Variants in PCDHGA11 observed in about 807,000 individuals in gnomAD.
PCDHGA11 encodes the protein protocadherin gamma subfamily A, 11.
In PCDHGA11, 39 loss-of-function variants were observed where a neutral mutation model predicts 60.4. The observed-to-expected ratio is 0.65, with a 90% CI of 0.50 to 0.84. The LOEUF is 0.84. PCDHGA11 is among the 40% of genes least tolerant of loss of function. The probability of loss-of-function intolerance (pLI) is 0.00; values close to 1 mark genes in which losing one functional copy is unlikely to be tolerated. For missense variants in PCDHGA11, 1,165 were observed against 1,197.7 expected (o/e 0.97, Z 0.40); for synonymous variants, 533 against 510.3 (o/e 1.04, Z -0.60).
Position 141,507,461 on chromosome 5 carries a change from G to A in PCDHGA11, c.2581+1980G>A, listed in dbSNP as rs145114393. On this transcript the variant is annotated intron_variant, in intron 3 of 3. Coordinates refer to ENST00000398587, the MANE Select transcript of PCDHGA11 (RefSeq NM_018914.3). ...AGCTGACGGAAGGACAGAGAGAGAG[G>A]TGGCAGGGACTGCTGGCCTCCTGAG... Among the ~76,000 whole-genome samples the A allele has an allele frequency of 3.8e-3, 581 of 152,330 alleles. 5 individuals are homozygous for A. Among genetic ancestry groups the A allele is most frequent in the African/African-American group, 0.012 (485 of 41,570 alleles).
Position 141,432,951 on chromosome 5 carries a change from G to T in PCDHGA11, c.2433+9291G>T, listed in dbSNP as rs758046420. 1.2e-6 allele frequency: 2 copies of T among 1,614,178 alleles called. No individual in the cohort carries two copies. The highest frequency in any genetic ancestry group is 4.5e-5 in the East Asian group (2 of 44,858). On this transcript the variant is annotated intron_variant, in intron 1 of 3. Coordinates refer to ENST00000398587, the MANE Select transcript of PCDHGA11 (RefSeq NM_018914.3). This position sits in a 1 kb window ranked among gnomAD's most constrained non-coding sequence, Gnocchi z 6.0. ...CGCCTGCTGCAGGCTTCAGGAGGCGGCTTGACAGGAGCGCCGGCGTCGCAC... is the reference window on the plus strand; with the variant it reads ...CGCCTGCTGCAGGCTTCAGGAGGCGTCTTGACAGGAGCGCCGGCGTCGCAC...
chr5:141,423,758 G>C lies in PCDHGA11; in HGVS notation c.2433+98G>C, dbSNP rs1192987646. 54 of 366,760 alleles carry C rather than the reference G, an allele frequency of 1.5e-4. 3 individuals carry two copies. The highest frequency in any genetic ancestry group is 1.4e-4 in the Non-Finnish European group (36 of 259,732). 22.7% of individuals were successfully genotyped at this position (366,760 alleles called of 1,614,324 possible). A position where few individuals can be genotyped will look rare whatever the true frequency, so the allele number is the denominator to read the frequency against. Reference sequence around the variant, plus strand: ...CTGTTATGAAAACTGTTTGGGGGGGGGGTGGGGCGGCATATATTTAGTTCA... The same window carrying C: ...CTGTTATGAAAACTGTTTGGGGGGGCGGTGGGGCGGCATATATTTAGTTCA... On this transcript the variant is annotated intron_variant, in intron 1 of 3. Transcript: ENST00000398587.
chr5:141,509,900 C>T (rs2099878860), intron 3 of PCDHGA11, among the ~76,000 whole-genome samples: 1 of 152,186 alleles, frequency 6.6e-6, no homozygotes, highest in Admixed American at 6.5e-5. Context: ...CTGTCCCTTC[C>T]AGCATGCGCT....
At position 141,508,670 on chromosome 5, in the gene PCDHGA11, C is replaced by A. The variant is rs184838473; in HGVS notation, c.2582-2277C>A. The stretch of plus-strand genomic sequence containing the variant: ...GGCCCTTCCTGTCATTCTGTCTCTG[C>A]CTCCCTTCTCCCTGCTTCTCCGTGT... On this transcript the variant is annotated intron_variant, in intron 3 of 3. Coordinates refer to ENST00000398587, the MANE Select transcript of PCDHGA11 (RefSeq NM_018914.3). Among the ~76,000 whole-genome samples the A allele has an allele frequency of 3.7e-3, 564 of 152,202 alleles. 5 individuals are homozygous for A. The highest frequency in any genetic ancestry group is 0.011 in the Admixed American group (164 of 15,294).
chr5:141,430,915 G>T, intron 1 of PCDHGA11: 1 of 1,607,738 alleles, frequency 6.2e-7, no homozygotes, highest in East Asian at 2.2e-5. Flanking sequence ...CCAGGGACCT[G>T]GGGCTGGAGC....
chr5:141,488,095 A>G (rs78361634), intron 1 of PCDHGA11, among the ~76,000 whole-genome samples: 8,142 of 152,146 alleles, frequency 0.054, 446 homozygotes, highest in African/African-American at 0.15. Flanking sequence ...CTGTGAAGGG[A>G]CCTCTCTATT....
At chr5:141,502,400 C>T (rs964923206) in intron 2 of PCDHGA11, among the ~76,000 whole-genome samples, 2 of 151,748 alleles carry the variant, frequency 1.3e-5, no homozygotes, top group African/African-American at 4.8e-5. Flanking sequence ...AAAATGTCCC[C>T]GAACCTGGAT....
At chr5:141,482,809 T>C (rs1295469639) in intron 1 of PCDHGA11, among the ~76,000 whole-genome samples, 1 of 152,170 alleles carries the variant, frequency 6.6e-6, no homozygotes, top group Non-Finnish European at 1.5e-5. Flanking sequence ...CGGTGGCTCA[T>C]GCCTGTAATC....
At position 141,486,671 on chromosome 5, in the gene PCDHGA11, C is replaced by G. The variant is rs1307620045; in HGVS notation, c.2434-8136C>G. 24 of 1,613,926 alleles carry G rather than the reference C, an allele frequency of 1.5e-5. No homozygotes were observed. The highest frequency in any genetic ancestry group is 2.7e-5 in the African/African-American group (2 of 74,932). Reference sequence around the variant, plus strand: ...CTACTCACTCCTGGAGCCCAGGAATCGAGATGTATCAGCTTCCTCTTTCAT... The same window carrying G: ...CTACTCACTCCTGGAGCCCAGGAATGGAGATGTATCAGCTTCCTCTTTCAT... On this transcript the variant is annotated intron_variant, in intron 1 of 3. Transcript: ENST00000398587. The surrounding 1 kb of genome is among the most constrained non-coding windows in gnomAD (Gnocchi z 5.0).
intron 2 of PCDHGA11, among the ~76,000 whole-genome samples, chr5:141,498,404 C>T (rs1283586713): frequency 6.6e-6 from 1 of 152,104 alleles, no homozygotes; most frequent in African/African-American, 2.4e-5. Context: ...AGGGAGTTTT[C>T]TCTTTGCTGG....
chr5:141,492,122 C>G (rs2154587050), intron 1 of PCDHGA11, among the ~76,000 whole-genome samples: 1 of 152,328 alleles, frequency 6.6e-6, no homozygotes, highest in Admixed American at 6.5e-5. Context: ...GATTTCTCCC[C>G]AGCTCCCAGC....
rs1594492695 is a variant in PCDHGA11 at position 141,485,536 on chromosome 5, A to G, written c.2434-9271A>G. On this transcript the variant is annotated intron_variant, in intron 1 of 3. Transcript: ENST00000398587. The surrounding 1 kb of genome is among the most constrained non-coding windows in gnomAD (Gnocchi z 5.7). ...CTTTGGAAATGTACCGAGCAGAGGTAGAGATCGTAGATGTGAATGATCACG... is the reference window on the plus strand; with the variant it reads ...CTTTGGAAATGTACCGAGCAGAGGTGGAGATCGTAGATGTGAATGATCACG... 3 of 1,613,976 alleles carry G rather than the reference A, an allele frequency of 1.9e-6. No homozygotes were observed. The highest frequency in any genetic ancestry group is 2.5e-6 in the Non-Finnish European group (3 of 1,179,946).
rs1335023784 is a variant in PCDHGA11 at position 141,490,877 on chromosome 5, C to CCAA, written c.2434-3927_2434-3925dup. 2.5e-6 allele frequency: 4 copies of CCAA among 1,613,762 alleles called. No homozygotes were observed. Among genetic ancestry groups the CCAA allele is most frequent in the Non-Finnish European group, 3.4e-6 (4 of 1,179,908 alleles). On this transcript the variant is annotated intron_variant, in intron 1 of 3. Transcript: ENST00000398587. This position sits in a 1 kb window ranked among gnomAD's most constrained non-coding sequence, Gnocchi z 5.4. ...GACTCCGGCTCTCCCCCATTGCATG[C>CCAA]CAACACATCTCTGCATGTGTTTGTC...
intron 1 of PCDHGA11, chr5:141,427,752 G>A (rs1171502843): frequency 4.5e-6 from 6 of 1,319,552 alleles, no homozygotes; most frequent in South Asian, 1.2e-5. Context: ...CTACTCCATC[G>A]TTACCACTGA....
rs760878091 is a variant in PCDHGA11 at position 141,476,406 on chromosome 5, T to A, written c.2434-18401T>A. The A allele has an allele frequency of 6.2e-7, 1 of 1,614,054 alleles. No individual in the cohort carries two copies. The highest frequency in any genetic ancestry group is 8.5e-7 in the Non-Finnish European group (1 of 1,180,002). On this transcript the variant is annotated intron_variant, in intron 1 of 3. Transcript: ENST00000398587. The surrounding 1 kb of genome is among the most constrained non-coding windows in gnomAD (Gnocchi z 7.6). Reference sequence around the variant, plus strand: ...AACGACCGTCTGGATCGAGAGGAGCTGTGTGGGACACTGCCCTCTTGCACT... The same window carrying A: ...AACGACCGTCTGGATCGAGAGGAGCAGTGTGGGACACTGCCCTCTTGCACT...
chr5:141,421,424 G>T lies in PCDHGA11; in HGVS notation c.197G>T (p.Arg66Leu), dbSNP rs369037131. 2.2e-5 allele frequency: 35 copies of T among 1,613,974 alleles called. No individual in the cohort carries two copies. The African/African-American group carries it at 3.9e-4, about 18-fold the overall frequency. ...CGGGAGCTGGCGAAGCGCGGAGTCC[G>T]CATCGTCTCCAGAGGGAAGACACAG... is the stretch of plus-strand genomic sequence containing the variant. Reference protein sequence around the residue: ...EPRELAKRGVRIVSRGKTQLF... With the variant: ...EPRELAKRGVLIVSRGKTQLF... Residue 66 changes from arginine (R) to leucine (L), a missense_variant, in exon 1 of 4, where the codon CGC (arginine) becomes CTC (leucine). Arg to Leu is a moderately radical substitution (Grantham distance 102). Transcript: ENST00000398587.
chr5:141,470,147 T>A (rs1394329530), intron 1 of PCDHGA11, among the ~76,000 whole-genome samples: 1 of 152,172 alleles, frequency 6.6e-6, no homozygotes. Context: ...AGATCATAGA[T>A]CATCTTATCA....
chr5:141,455,148 A>G (rs6897410), intron 1 of PCDHGA11, among the ~76,000 whole-genome samples: 9,268 of 149,002 alleles, frequency 0.062, 567 homozygotes, highest in African/African-American at 0.16. Flanking sequence ...TTAAATAAAT[A>G]TTAGTTTGTT....
Position 141,486,230 on chromosome 5 carries a change from A to C in PCDHGA11, c.2434-8577A>C. On this transcript the variant is annotated intron_variant, in intron 1 of 3. Coordinates refer to ENST00000398587, the MANE Select transcript of PCDHGA11 (RefSeq NM_018914.3). The surrounding 1 kb of genome is among the most constrained non-coding windows in gnomAD (Gnocchi z 5.0). ...TGACAATGCCCCTTACATCACAGTGACCTCAGAGCTTGGAACCCTCCCCGA... is the reference window on the plus strand; with the variant it reads ...TGACAATGCCCCTTACATCACAGTGCCCTCAGAGCTTGGAACCCTCCCCGA... The C allele has an allele frequency of 6.2e-7, 1 of 1,614,016 alleles. No individual in the cohort carries two copies. Among genetic ancestry groups the C allele is most frequent in the Non-Finnish European group, 8.5e-7 (1 of 1,179,964 alleles).
Sources: gnomAD v4.1 joint callset for allele counts (sites outside exome capture counted in the v4.1 genomes callset) on GRCh38, gnomAD v4.1.1 for gene constraint, Gnocchi (gnomAD v3.1) non-coding constraint, MANE v1.5 for transcripts, NCBI Gene and HGNC (gene_info 2026-07-23, HGNC 2026-07-21) for gene names.